Variants in FHIT observed in about 807,000 individuals in gnomAD.
FHIT encodes bis(5'-adenosyl)-triphosphatase.
A neutral mutation model predicts 17.9 loss-of-function variants in FHIT; 19 were observed. The observed-to-expected ratio is 1.06, with a 90% CI of 0.74 to 1.56. FHIT has a LOEUF of 1.56. FHIT is among the 40% of genes most tolerant of loss of function. The pLI is 0.00. For missense variants in FHIT, 248 were observed against 189.2 expected, an observed-to-expected ratio of 1.31 and a Z score of -1.82; for synonymous variants, 81 against 69.7, an observed-to-expected ratio of 1.16 and a Z score of -0.81.
Position 60,414,943 on chromosome 3 carries a change from G to C in FHIT, c.103+121917C>G, listed in dbSNP as rs182110011. On this transcript the variant is annotated intron_variant, in intron 5 of 9. Coordinates refer to ENST00000492590, the MANE Select transcript of FHIT (RefSeq NM_002012.4). ...CTACCAGAATTTTGATAGTTTCGTA[G>C]CTCTCAACTTTAGTCTTCCCCCAAA... Among the ~76,000 whole-genome samples, 6 of 152,298 alleles carry C rather than the reference G, an allele frequency of 3.9e-5. No homozygotes were observed. The East Asian group carries it at 1.2e-3, about 29-fold the overall frequency.
intron 4 of FHIT, among the ~76,000 whole-genome samples, chr3:60,558,032 T>C (rs901904462): frequency 1.3e-5 from 2 of 152,086 alleles, no homozygotes; most frequent in Non-Finnish European, 2.9e-5. Flanking sequence ...TTTGATCCGT[T>C]TCAAGTGATC....
chr3:60,692,155 C>T (rs782504220), intron 4 of FHIT, among the ~76,000 whole-genome samples: 4 of 152,154 alleles, frequency 2.6e-5, no homozygotes, highest in Non-Finnish European at 5.9e-5. Flanking sequence ...TGTATCACTA[C>T]CTGCATCTGT....
At chr3:60,539,565 T>C (rs530487822) in intron 4 of FHIT, among the ~76,000 whole-genome samples, 61 of 152,290 alleles carry the variant, frequency 4.0e-4, no homozygotes, top group Non-Finnish European at 7.2e-4. Flanking sequence ...AGTGATAGAC[T>C]AGATTAAGGA....
At chr3:59,899,469 C>G (rs1271697708) in intron 8 of FHIT, among the ~76,000 whole-genome samples, 1 of 152,162 alleles carries the variant, frequency 6.6e-6, no homozygotes, top group African/African-American at 2.4e-5. Context: ...AATTTGGCTC[C>G]ATGAGGCTTG....
At chr3:60,553,516 TATATAGAGAGAGAGAGAGGGAGAGAGAG>T (rs1559534619) in intron 4 of FHIT, 2 of 149,158 alleles carry the variant, frequency 1.3e-5, no homozygotes, top group African/African-American at 5.8e-5. Context: ...TATATATATA[TATATAGAGAGAGAGAGAGGGAGAGAGAG>T]AGAGAGAGAG....
chr3:59,983,796 C>T (rs1156269174), intron 7 of FHIT, among the ~76,000 whole-genome samples: 2 of 151,944 alleles, frequency 1.3e-5, no homozygotes, highest in Non-Finnish European at 1.5e-5. Flanking sequence ...CCAGAAAATC[C>T]CTATATTAGC....
intron 5 of FHIT, among the ~76,000 whole-genome samples, chr3:60,162,050 TG>T (rs1700963922): frequency 6.6e-6 from 1 of 152,092 alleles, no homozygotes; most frequent in Non-Finnish European, 1.5e-5. Flanking sequence ...GAGAAATGTA[TG>T]GGGAAATGTT....
chr3:60,686,383 G>C (rs1365899407), intron 4 of FHIT, among the ~76,000 whole-genome samples: 3 of 151,992 alleles, frequency 2.0e-5, no homozygotes, highest in African/African-American at 7.3e-5. Context: ...AGTAATTGTG[G>C]GTTTTGTAAT....
intron 5 of FHIT, among the ~76,000 whole-genome samples, chr3:60,282,814 T>C (rs1707524753): frequency 6.6e-6 from 1 of 152,112 alleles, no homozygotes; most frequent in African/African-American, 2.4e-5. Context: ...TTAGAAAACA[T>C]ACCTAGGATG....
chr3:60,363,998 C>T (rs1333231220), intron 5 of FHIT, among the ~76,000 whole-genome samples: 1 of 152,156 alleles, frequency 6.6e-6, no homozygotes, highest in African/African-American at 2.4e-5. Context: ...GGTCACAGCT[C>T]TGCCGTTACT....
intron 7 of FHIT, among the ~76,000 whole-genome samples, chr3:59,924,826 G>A (rs982193587): frequency 6.6e-6 from 1 of 152,118 alleles, no homozygotes; most frequent in African/African-American, 2.4e-5. Context: ...GCAGACTGCA[G>A]GGCCCTAAAA....
At chr3:60,569,753 A>ATTTTTTTTTT (rs1200159409) in intron 4 of FHIT, among the ~76,000 whole-genome samples, 8 of 57,214 alleles carry the variant, frequency 1.4e-4, no homozygotes, top group African/African-American at 4.9e-4. Context: ...ATATATATAT[A>ATTTTTTTTTT]TATTTTTTTT....
chr3:60,370,226 T>G, intron 5 of FHIT, among the ~76,000 whole-genome samples: 1 of 152,132 alleles, frequency 6.6e-6, no homozygotes, highest in Admixed American at 6.5e-5. Context: ...ATAAATACAC[T>G]TTATGTTTTA....
intron 5 of FHIT, among the ~76,000 whole-genome samples, chr3:60,074,012 TA>T (rs1702897686): frequency 6.6e-6 from 1 of 152,132 alleles, no homozygotes; most frequent in East Asian, 1.9e-4. Context: ...TGATTTGGCT[TA>T]AGACATGTGA....
rs767131870 is a variant in FHIT, at chr3:59,922,466, T to C, written c.280-52A>G. ...ATGTGATTATCTCCCCATGTATTTT[T>C]AGACTTGACAGTGATGCTCTCATGA... On this transcript the variant is annotated intron_variant, in intron 7 of 9. Coordinates refer to ENST00000492590, the MANE Select transcript of FHIT (RefSeq NM_002012.4). The C allele has an allele frequency of 4.1e-6, 6 of 1,480,654 alleles. No homozygotes were observed. The South Asian group carries it at 6.9e-5, about 17-fold the overall frequency. 91.7% of individuals were successfully genotyped at this position (1,480,654 alleles called of 1,614,324 possible).
intron 5 of FHIT, among the ~76,000 whole-genome samples, chr3:60,345,414 A>T (rs1420881950): frequency 6.6e-6 from 1 of 152,226 alleles, no homozygotes; most frequent in African/African-American, 2.4e-5. Flanking sequence ...TGCTATTGTT[A>T]AATACCTACA....
At chr3:60,867,092 G>A (rs150333732) in intron 3 of FHIT, among the ~76,000 whole-genome samples, 1 of 152,226 alleles carries the variant, frequency 6.6e-6, no homozygotes, top group East Asian at 1.9e-4. Flanking sequence ...AAGGTTGTGA[G>A]GACTCTTAGT....
intron 8 of FHIT, among the ~76,000 whole-genome samples, chr3:59,754,509 AT>A (rs1207506447): frequency 6.6e-6 from 1 of 152,090 alleles, no homozygotes; most frequent in African/African-American, 2.4e-5. Flanking sequence ...ATCTTATCTT[AT>A]AACAATTCAA....
intron 8 of FHIT, among the ~76,000 whole-genome samples, chr3:59,778,073 C>T (rs11130731): frequency 0.24 from 36,371 of 152,112 alleles, 4,690 homozygotes; most frequent in South Asian, 0.41. Flanking sequence ...TCTGTCTCTC[C>T]TACTAGAGTA....
Sources: allele counts gnomAD v4.1 joint callset (sites outside exome capture counted in the v4.1 genomes callset), GRCh38; gene constraint gnomAD v4.1.1; transcripts MANE v1.5; gene names NCBI Gene and HGNC (gene_info 2026-07-23, HGNC 2026-07-21).